The following ROBO2 variants were observed in gnomAD, a reference collection of about 807,000 sequenced individuals.
The protein encoded by ROBO2 is roundabout homolog 2.
A neutral mutation model predicts 160.8 loss-of-function variants in ROBO2; 53 were observed. The observed-to-expected ratio is 0.33, with a 90% CI of 0.26 to 0.41. ROBO2 has a LOEUF of 0.41. Among genes scored for constraint, ROBO2 ranks in the 10% least tolerant of loss-of-function variants. The pLI, the probability that ROBO2 is intolerant of heterozygous loss-of-function variation, is 1.00. For missense variants in ROBO2, 1,577 were observed against 1,722.4 expected, an observed-to-expected ratio of 0.92 and a Z score of 1.49; for synonymous variants, 664 against 611.7, an observed-to-expected ratio of 1.09 and a Z score of -1.26.
intron 2 of ROBO2, among the ~76,000 whole-genome samples, chr3:76,743,106 A>C (rs964477088): frequency 3.3e-5 from 5 of 152,150 alleles, no homozygotes; most frequent in African/African-American, 1.2e-4. Context: ...GAACAAGGCC[A>C]AAAATATATT....
At chr3:77,377,370 G>A (rs2072832923) in intron 2 of ROBO2, among the ~76,000 whole-genome samples, 1 of 152,074 alleles carries the variant, frequency 6.6e-6, no homozygotes, top group East Asian at 1.9e-4. Context: ...CATATACTGT[G>A]TAAAAGGTAC....
intron 2 of ROBO2, among the ~76,000 whole-genome samples, chr3:77,243,825 C>G (rs2089366995): frequency 6.6e-6 from 1 of 152,158 alleles, no homozygotes; most frequent in Admixed American, 6.5e-5. Flanking sequence ...ACTTTAGATA[C>G]TATTAATCTC....
chr3:77,273,321 CTAA>C, intron 2 of ROBO2, among the ~76,000 whole-genome samples: 2 of 152,268 alleles, frequency 1.3e-5, no homozygotes, highest in Middle Eastern at 6.8e-3. Context: ...GAACAGAAAA[CTAA>C]ATGCCACATG....
intron 2 of ROBO2, among the ~76,000 whole-genome samples, chr3:76,799,482 C>T (rs529995707): frequency 5.6e-4 from 84 of 149,342 alleles, no homozygotes; most frequent in African/African-American, 2.0e-3. Flanking sequence ...AACCTAAAGA[C>T]TTCACAAAAA....
intron 2 of ROBO2, among the ~76,000 whole-genome samples, chr3:77,206,471 C>T (rs1036791): frequency 0.18 from 27,347 of 151,976 alleles, 2,676 homozygotes; most frequent in Middle Eastern, 0.27. Flanking sequence ...CCAGACCTTT[C>T]TTACTATAAG....
At chr3:76,300,584 ATTC>A (rs1210862734) in intron 2 of ROBO2, among the ~76,000 whole-genome samples, 1 of 152,038 alleles carries the variant, frequency 6.6e-6, no homozygotes, top group African/African-American at 2.4e-5. Context: ...TAATTAACAA[ATTC>A]TTCTACTTAG....
intron 2 of ROBO2, among the ~76,000 whole-genome samples, chr3:76,745,606 T>C (rs781084861): frequency 7.9e-5 from 12 of 152,018 alleles, no homozygotes; most frequent in Admixed American, 2.0e-4. Context: ...CTGTTCCTGA[T>C]TGTGGCCCTT....
chr3:76,258,203 G>A (rs963238773), intron 2 of ROBO2, among the ~76,000 whole-genome samples: 3 of 151,594 alleles, frequency 2.0e-5, no homozygotes, highest in Admixed American at 6.6e-5. Flanking sequence ...GTCTTTGTAA[G>A]ATATATGCAT....
intron 2 of ROBO2, among the ~76,000 whole-genome samples, chr3:76,789,788 A>G (rs531227202): frequency 1.3e-5 from 2 of 151,630 alleles, no homozygotes; most frequent in Admixed American, 1.3e-4. Context: ...GAACGTCAAG[A>G]AAAAGGAATG....
chr3:77,015,412 A>G (rs1358143656), intron 2 of ROBO2, among the ~76,000 whole-genome samples: 1 of 152,214 alleles, frequency 6.6e-6, no homozygotes, highest in African/African-American at 2.4e-5. Flanking sequence ...TGATATTTTA[A>G]GAGAACACTC....
chr3:76,402,405 T>C (rs2077881709), intron 2 of ROBO2, among the ~76,000 whole-genome samples: 1 of 151,536 alleles, frequency 6.6e-6, no homozygotes, highest in Admixed American at 6.6e-5. Flanking sequence ...AAATTAAATA[T>C]TCTCTTTTAC....
intron 24 of ROBO2, among the ~76,000 whole-genome samples, chr3:77,638,746 G>T (rs1179788396): frequency 6.8e-6 from 1 of 146,384 alleles, no homozygotes; most frequent in Non-Finnish European, 1.5e-5. Flanking sequence ...TGCTAAAAAA[G>T]ATAGATCTGT....
rs191997818 is a variant in ROBO2, at chr3:77,044,497, C to T, written c.61+3651C>T. On this transcript the variant is annotated intron_variant, in intron 1 of 25. Coordinates refer to ENST00000461745, the Ensembl canonical transcript of ROBO2. The stretch of plus-strand genomic sequence containing the variant: ...TTTTTCCTCCTTCTCCTCTCCTTCT[C>T]TTTCTTCTTCTCATTCATCGTCTCT... Among the ~76,000 whole-genome samples, 244 of 152,172 alleles carry T rather than the reference C, an allele frequency of 1.6e-3. 1 individual carries two copies. The highest frequency in any genetic ancestry group is 5.6e-3 in the African/African-American group (232 of 41,524).
At chr3:76,524,946 A>G (rs964053896) in intron 2 of ROBO2, among the ~76,000 whole-genome samples, 2 of 150,824 alleles carry the variant, frequency 1.3e-5, no homozygotes, top group South Asian at 2.1e-4. Flanking sequence ...TTAGAGATCT[A>G]TGCAAAGCAA....
intron 2 of ROBO2, among the ~76,000 whole-genome samples, chr3:76,450,888 T>C (rs1234271491): frequency 6.6e-6 from 1 of 152,186 alleles, no homozygotes; most frequent in Non-Finnish European, 1.5e-5. Context: ...ATTTGTAATA[T>C]ACCTGTGATA....
At chr3:76,659,030 A>G (rs998451052) in intron 2 of ROBO2, among the ~76,000 whole-genome samples, 1 of 152,062 alleles carries the variant, frequency 6.6e-6, no homozygotes, top group South Asian at 2.1e-4. Flanking sequence ...TATGTTTTTT[A>G]AAAACTTAGA....
chr3:77,641,816 A>G (rs2153722994), intron 24 of ROBO2, among the ~76,000 whole-genome samples: 1 of 152,306 alleles, frequency 6.6e-6, no homozygotes, highest in South Asian at 2.1e-4. Context: ...TACAAAATAT[A>G]AAGGTATTAT....
rs34043265 is a variant in ROBO2, at chr3:76,033,293, T to TAC, written c.109+95711_109+95712dup. Among the ~76,000 whole-genome samples the TAC allele has an allele frequency of 9.7e-3, 1,449 of 149,604 alleles. 7 individuals carry two copies. The highest frequency in any genetic ancestry group is 0.041 in the East Asian group (206 of 5,084). The stretch of plus-strand genomic sequence containing the variant: ...TCTGGTCTAATGTAGCTGTGACACA[T>TAC]ACACACACACACACACACACAGACA... On this transcript the variant is annotated intron_variant, in intron 2 of 26. Coordinates refer to the ROBO2 transcript ENST00000487694.
intron 2 of ROBO2, among the ~76,000 whole-genome samples, chr3:76,257,999 A>T (rs1235018432): frequency 6.6e-6 from 1 of 152,046 alleles, no homozygotes; most frequent in Non-Finnish European, 1.5e-5. Context: ...AATTTTTTGG[A>T]AAGTCATATT....
Sources: gnomAD v4.1 joint callset for allele counts (sites outside exome capture counted in the v4.1 genomes callset) on GRCh38, gnomAD v4.1.1 for gene constraint, MANE v1.5 for transcripts, NCBI Gene and HGNC (gene_info 2026-07-23, HGNC 2026-07-21) for gene names.